The following CLEC3A variants were observed in gnomAD, a reference collection of about 807,000 sequenced individuals.
CLEC3A encodes the protein C-type lectin domain family 3 member A.
CLEC3A carries 28 observed loss-of-function variants against 20.4 expected under a neutral mutation model. The observed-to-expected ratio is 1.37, with a 90% CI of 1.02 to 1.88. CLEC3A has a LOEUF of 1.88. CLEC3A is among the 40% of genes most tolerant of loss of function. The pLI is 0.00. For synonymous variants in CLEC3A, 110 were observed against 88.1 expected, an observed-to-expected ratio of 1.25 and a Z score of -1.39; for missense variants, 357 against 240.4, an observed-to-expected ratio of 1.48 and a Z score of -3.21.
Position 78,030,740 on chromosome 16 carries a change from G to A in CLEC3A, c.493G>A (p.Glu165Lys). 1 of 1,614,164 alleles carries A rather than the reference G, an allele frequency of 6.2e-7. No homozygotes were observed. The highest frequency in any genetic ancestry group is 8.5e-7 in the Non-Finnish European group (1 of 1,180,032). Residue 165 changes from glutamate (E) to lysine (K), a missense_variant, in exon 3 of 3, where the codon GAA becomes AAA. Transcript: ENST00000299642. ...DRAQPNGGKR[E>K]NCVLFSQSAQ... ...TGCACAGCCTAACGGTGGCAAGCGA[G>A]AAAACTGTGTCCTGTTCTCCCAATC...
At chr16:78,027,459 T>TTGA (rs746178433) in intron 1 of CLEC3A, among the ~76,000 whole-genome samples, 2 of 152,100 alleles carry the variant, frequency 1.3e-5, no homozygotes, top group Non-Finnish European at 2.9e-5. Flanking sequence ...GAAGATGAGA[T>TTGA]TGAGCTCATT....
At chr16:78,026,711 G>A (rs1424900222) in intron 1 of CLEC3A, among the ~76,000 whole-genome samples, 1 of 152,166 alleles carries the variant, frequency 6.6e-6, no homozygotes, top group Non-Finnish European at 1.5e-5. Context: ...CTCACAAGCT[G>A]CCAATCTCTA....
intron 1 of CLEC3A, among the ~76,000 whole-genome samples, chr16:78,027,176 A>G (rs771167467): frequency 4.6e-5 from 7 of 152,242 alleles, no homozygotes; most frequent in Admixed American, 3.3e-4. Context: ...TATCATGTTA[A>G]GCATCAGAAG....
intron 1 of CLEC3A, among the ~76,000 whole-genome samples, chr16:78,022,964 A>G (rs2018768918): frequency 6.6e-6 from 1 of 152,218 alleles, no homozygotes; most frequent in Non-Finnish European, 1.5e-5. Flanking sequence ...CAACAGGGAA[A>G]AAATTTGATA....
intron 2 of CLEC3A, among the ~76,000 whole-genome samples, chr16:78,029,304 G>C (rs556768913): frequency 3.9e-5 from 6 of 152,118 alleles, no homozygotes; most frequent in Non-Finnish European, 8.8e-5. Flanking sequence ...ATATTACCAA[G>C]GCTCAGTTAT....
intron 1 of CLEC3A, among the ~76,000 whole-genome samples, chr16:78,023,642 C>T (rs1038819130): frequency 6.6e-6 from 1 of 152,042 alleles, no homozygotes; most frequent in Non-Finnish European, 1.5e-5. Context: ...AGGTTACAGT[C>T]TATTTCACAT....
chr16:78,031,911 G>A lies in CLEC3A; in HGVS notation c.*1070G>A, dbSNP rs944041042. On this transcript the variant is annotated 3_prime_UTR_variant, in exon 3 of 3. Transcript: ENST00000299642. ...GCTTAATATCAAATTACAAAGTTTA[G>A]ACTTGGAGGGAAATGGGCTTTTTAG... 1.3e-5 allele frequency: 2 copies of A among 152,484 alleles called. No homozygotes were observed. Among genetic ancestry groups the A allele is most frequent in the Admixed American group, 6.5e-5 (1 of 15,272 alleles). The allele number at this position is 152,484 out of a possible 1,614,324, so 9.4% of individuals were successfully genotyped here. A position where few individuals can be genotyped will look rare whatever the true frequency, so the allele number is the denominator to read the frequency against.
intron 1 of CLEC3A, among the ~76,000 whole-genome samples, chr16:78,024,323 G>A (rs924778803): frequency 6.6e-6 from 1 of 152,110 alleles, no homozygotes; most frequent in Admixed American, 6.5e-5. Flanking sequence ...GAGTGTGCAT[G>A]TGGGTGCTGT....
At chr16:78,022,912 G>C (rs553914665) in intron 1 of CLEC3A, among the ~76,000 whole-genome samples, 171 bp downstream of exon 1, 94 of 152,168 alleles carry the variant, frequency 6.2e-4, no homozygotes, top group Non-Finnish European at 1.0e-3. Context: ...CTCTGGGATA[G>C]TTTATTTTAA....
intron 1 of CLEC3A, among the ~76,000 whole-genome samples, chr16:78,026,331 A>C (rs2029921575): frequency 6.6e-6 from 1 of 152,366 alleles, no homozygotes; most frequent in South Asian, 2.1e-4. Context: ...TACAGAACAT[A>C]GACTTCCTCC....
chr16:78,022,803 A>G (rs1324900285), intron 1 of CLEC3A, 62 bp downstream of exon 1: 10 of 1,570,854 alleles, frequency 6.4e-6, no homozygotes, highest in East Asian at 4.6e-5. Flanking sequence ...GGTGCTGGAC[A>G]ATGTTAATTT....
At chr16:78,028,315 C>T in intron 2 of CLEC3A, 125 bp downstream of exon 2, 1 of 626,804 alleles carries the variant, frequency 1.6e-6, no homozygotes, top group Non-Finnish European at 2.6e-6. Context: ...TAAGAGGGCC[C>T]CAATGCCGGG....
chr16:78,029,842 C>G (rs192855057), intron 2 of CLEC3A, among the ~76,000 whole-genome samples: 14 of 152,162 alleles, frequency 9.2e-5, no homozygotes, highest in Admixed American at 2.0e-4. Context: ...ATCTCACATG[C>G]TGCAAAAATT....
rs2072665 is a variant in CLEC3A, at chr16:78,031,591, T to C, written c.*750T>C. 0.35 allele frequency: 53,474 copies of C among 152,130 alleles called. 10,238 individuals are homozygous for C. Among genetic ancestry groups the C allele is most frequent in the East Asian group, 0.48 (2,472 of 5,174 alleles). The allele number at this position is 152,130 out of a possible 1,614,324, so 9.4% of individuals were successfully genotyped here. On this transcript the variant is annotated 3_prime_UTR_variant, in exon 3 of 3. Transcript: ENST00000299642. ...CCCTAAGGCATATCAAAGAAGCAGA[T>C]TGCATGATAAACGGAAACAGAAAAA...
chr16:78,030,618 G>T lies in CLEC3A; in HGVS notation c.371G>T (p.Gly124Val), dbSNP rs761577363. The T allele has an allele frequency of 6.2e-7, 1 of 1,614,130 alleles. No homozygotes were observed. Among genetic ancestry groups the T allele is most frequent in the Non-Finnish European group, 8.5e-7 (1 of 1,180,028 alleles). The change falls in exon 3 of 3, where the codon GGT becomes GTT. Residue 124 changes from glycine (G) to valine (V), a missense_variant. Physicochemically the swap from Gly to Val is moderately radical, Grantham distance 109 (BLOSUM62 -3). Transcript: ENST00000299642. ...LQDYGKRSLP[G>V]VNDFWLGIND... The stretch of plus-strand genomic sequence containing the variant: ...GACTATGGTAAAAGGAGCCTGCCAG[G>T]TGTCAATGACTTTTGGCTGGGCATC...
chr16:78,028,307 A>AGAG, intron 2 of CLEC3A, 117 bp downstream of exon 2: 1 of 663,098 alleles, frequency 1.5e-6, no homozygotes, highest in Non-Finnish European at 2.4e-6. Context: ...GTGGCCAATA[A>AGAG]GAGGGCCCCA....
intron 1 of CLEC3A, among the ~76,000 whole-genome samples, chr16:78,027,026 T>A (rs576178537): frequency 6.6e-6 from 1 of 152,204 alleles, no homozygotes; most frequent in African/African-American, 2.4e-5. Flanking sequence ...GACACTCTCA[T>A]TGGACTTGTC....
intron 2 of CLEC3A, 90 bp from the exon 3 acceptor site, chr16:78,030,357 C>A: frequency 1.7e-6 from 2 of 1,158,472 alleles, no homozygotes; most frequent in Non-Finnish European, 2.5e-6. Flanking sequence ...TACTTCATTC[C>A]ACAAATACTT....
At chr16:78,024,915 C>A (rs990927114) in intron 1 of CLEC3A, among the ~76,000 whole-genome samples, 21 of 151,496 alleles carry the variant, frequency 1.4e-4, no homozygotes, top group Middle Eastern at 3.4e-3. Context: ...CAACCTCTAC[C>A]CACCAGGTTC....
Sources: allele counts gnomAD v4.1 joint callset (sites outside exome capture counted in the v4.1 genomes callset), GRCh38; gene constraint gnomAD v4.1.1; transcripts MANE v1.5; gene names NCBI Gene and HGNC (gene_info 2026-07-23, HGNC 2026-07-21).